YAP1: variants seen among roughly 807,000 people sequenced by gnomAD.
YAP1 encodes Yes1 associated transcriptional regulator.
YAP1 carries 5 observed loss-of-function variants against 56.9 expected under a neutral mutation model. The observed-to-expected ratio is 0.09, with a 90% CI of 0.05 to 0.18. The LOEUF (loss-of-function observed/expected upper bound fraction) is 0.18. Among genes scored for constraint, YAP1 ranks in the 10% least tolerant of loss-of-function variants. YAP1 has a pLI of 1.00. For synonymous variants in YAP1, 265 were observed against 248.1 expected (o/e 1.07, Z -0.64); for missense variants, 539 against 651.8 (o/e 0.83, Z 1.88).
chr11:102,136,060 G>C (rs983397700), intron 2 of YAP1, among the ~76,000 whole-genome samples: 1 of 152,182 alleles, frequency 6.6e-6, no homozygotes, highest in Non-Finnish European at 1.5e-5. Flanking sequence ...AACTTTTCTA[G>C]GCTGTGTAAG....
rs1555075323 is a variant in YAP1, at chr11:102,110,964, C to T, written c.116C>T (p.Ala39Val). ...TCCGGACCCGGGCAACCGGCACCCG[C>T]GGCGACCCAGGCGGCGCCGCAGGCA... ...PPSGPGQPAP[A>V]ATQAAPQAPP... The change falls in exon 1 of 9, where the codon GCG becomes GTG. Residue 39 changes from alanine (A) to valine (V), a missense_variant. Transcript: ENST00000282441. 2.0e-6 allele frequency: 3 copies of T among 1,514,982 alleles called. No homozygotes were observed. Among genetic ancestry groups the T allele is most frequent in the South Asian group, 2.4e-5 (2 of 81,760 alleles). The allele number at this position is 1,514,982 out of a possible 1,614,324, so 93.8% of individuals were successfully genotyped here.
At chr11:102,143,982 C>T (rs1210823456) in intron 2 of YAP1, among the ~76,000 whole-genome samples, 1 of 152,142 alleles carries the variant, frequency 6.6e-6, no homozygotes, top group Non-Finnish European at 1.5e-5. Context: ...ATCATAAAGA[C>T]GTGTAAAGAA....
At chr11:102,219,713 C>T (rs2135680597) in intron 6 of YAP1, among the ~76,000 whole-genome samples, 1 of 151,762 alleles carries the variant, frequency 6.6e-6, no homozygotes, top group East Asian at 2.0e-4. Flanking sequence ...CAAGAGGGGC[C>T]AGAAAAATCA....
At chr11:102,146,179 C>T (rs1208622934) in intron 2 of YAP1, among the ~76,000 whole-genome samples, 8 of 152,152 alleles carry the variant, frequency 5.3e-5, no homozygotes, top group African/African-American at 1.9e-4. Context: ...CTCTCCCTCC[C>T]TCTTTTTTAA....
chr11:102,133,420 C>T (rs1017550865), intron 2 of YAP1, among the ~76,000 whole-genome samples: 38 of 151,984 alleles, frequency 2.5e-4, no homozygotes, highest in African/African-American at 7.7e-4. Flanking sequence ...CTCAGCCTCC[C>T]GAGTAGCTGG....
intron 2 of YAP1, among the ~76,000 whole-genome samples, chr11:102,151,396 A>G (rs1388051917): frequency 1.3e-5 from 2 of 152,088 alleles, no homozygotes; most frequent in Non-Finnish European, 2.9e-5. Context: ...CAGCTGGCTA[A>G]TTTTATAGAT....
At chr11:102,201,121 G>A (rs1026813409) in intron 4 of YAP1, among the ~76,000 whole-genome samples, 4 of 152,132 alleles carry the variant, frequency 2.6e-5, no homozygotes, top group South Asian at 2.1e-4. Flanking sequence ...TTATGTATGA[G>A]CATATTCTGT....
intron 2 of YAP1, among the ~76,000 whole-genome samples, chr11:102,121,788 A>AT (rs1400500187): frequency 3.3e-5 from 5 of 151,934 alleles, no homozygotes; most frequent in South Asian, 2.1e-4. Flanking sequence ...AAGGTATATT[A>AT]TTTTTTTGTA....
chr11:102,133,761 C>T lies in YAP1; in HGVS notation c.572+19367C>T, dbSNP rs550325771. 1.8e-4 allele frequency among the ~76,000 whole-genome samples: 27 copies of T among 152,256 alleles called. No individual in the cohort carries two copies. In the South Asian group the frequency reaches 5.4e-3, roughly 30 times the overall value. Reference sequence around the variant, plus strand: ...TAGGAAGCCACATGGAGGTCATTTACGGTTACTAGTTATCTTAGTCAGCTT... The same window carrying T: ...TAGGAAGCCACATGGAGGTCATTTATGGTTACTAGTTATCTTAGTCAGCTT... On this transcript the variant is annotated intron_variant, in intron 2 of 8. Transcript: ENST00000282441.
At chr11:102,133,421 G>A (rs1402397088) in intron 2 of YAP1, among the ~76,000 whole-genome samples, 1 of 151,816 alleles carries the variant, frequency 6.6e-6, no homozygotes, top group East Asian at 1.9e-4. Context: ...TCAGCCTCCC[G>A]AGTAGCTGGG....
Position 102,229,765 on chromosome 11 carries a change from C to G in YAP1, c.1340C>G (p.Ala447Gly). Reference sequence around the variant, plus strand: ...AACCGTTTCCCAGACTACCTTGAAGCCATTCCTGGGACAAATGTGGACCTT... The same window carrying G: ...AACCGTTTCCCAGACTACCTTGAAGGCATTCCTGGGACAAATGTGGACCTT... ...QQNRFPDYLE[A>G]IPGTNVDLGT... Residue 447 changes from alanine (A) to glycine (G), a missense_variant, in exon 9 of 9, where the codon GCC (alanine) becomes GGC (glycine). This residue lies in a region of YAP1 where 414 missense variants were observed against 512.4 expected (regional missense o/e 0.81). Coordinates refer to ENST00000282441, the MANE Select transcript of YAP1 (RefSeq NM_001130145.3). 1 of 1,614,134 alleles carries G rather than the reference C, an allele frequency of 6.2e-7. No individual in the cohort carries two copies. Among genetic ancestry groups the G allele is most frequent in the Non-Finnish European group, 8.5e-7 (1 of 1,180,010 alleles).
intron 8 of YAP1, 102 bp downstream of exon 8, chr11:102,227,683 C>A: frequency 1.3e-6 from 1 of 753,780 alleles, no homozygotes; most frequent in Non-Finnish European, 2.2e-6. Context: ...AGAAGAAAAC[C>A]AATTAAAATC....
intron 6 of YAP1, among the ~76,000 whole-genome samples, chr11:102,210,722 GTGTT>G (rs772740729): frequency 2.0e-5 from 3 of 152,042 alleles, no homozygotes; most frequent in South Asian, 2.1e-4. Flanking sequence ...TTTCTCTGAA[GTGTT>G]TGTTTTGTTT....
chr11:102,231,352 T>G lies in YAP1; in HGVS notation c.*1412T>G, dbSNP rs1373524561. ...TAGTTCTCATTTGTAATGAACACAT[T>G]AACGACTAGATTAAAATATTGCCTT... On this transcript the variant is annotated 3_prime_UTR_variant, in exon 9 of 9. Transcript: ENST00000282441. The G allele has an allele frequency of 1.3e-5, 2 of 152,230 alleles. No homozygotes were observed. Among genetic ancestry groups the G allele is most frequent in the African/African-American group, 4.8e-5 (2 of 41,466 alleles). The allele number at this position is 152,230 out of a possible 1,614,324, so 9.4% of individuals were successfully genotyped here. A position where few individuals can be genotyped will look rare whatever the true frequency, so the allele number is the denominator to read the frequency against.
chr11:102,116,587 T>C (rs971932664), intron 2 of YAP1, among the ~76,000 whole-genome samples: 6 of 152,142 alleles, frequency 3.9e-5, no homozygotes, highest in African/African-American at 1.4e-4. Flanking sequence ...GTAAGGAAGA[T>C]AAACCAGGCT....
At chr11:102,209,032 A>G (rs1835635482) in intron 5 of YAP1, among the ~76,000 whole-genome samples, 1 of 152,168 alleles carries the variant, frequency 6.6e-6, no homozygotes. Context: ...TTTCATCTTT[A>G]CTGCCTACTG....
At chr11:102,218,239 C>T (rs964076040) in intron 6 of YAP1, among the ~76,000 whole-genome samples, 19 of 152,184 alleles carry the variant, frequency 1.2e-4, no homozygotes, top group Non-Finnish European at 2.6e-4. Flanking sequence ...GGCCTTGTTA[C>T]ATTAGAGTCA....
intron 3 of YAP1, among the ~76,000 whole-genome samples, chr11:102,178,947 G>C (rs1455078178): frequency 1.3e-5 from 2 of 152,148 alleles, no homozygotes; most frequent in Non-Finnish European, 1.5e-5. Flanking sequence ...GTGAGTGGGA[G>C]AAGTCCCAGG....
chr11:102,133,860 A>C, intron 2 of YAP1, among the ~76,000 whole-genome samples: 1 of 152,204 alleles, frequency 6.6e-6, no homozygotes, highest in East Asian at 1.9e-4. Context: ...TAGTTTTGGC[A>C]TGGTAGATTT....
Sources: allele counts gnomAD v4.1 joint callset (sites outside exome capture counted in the v4.1 genomes callset), GRCh38; gene constraint gnomAD v4.1.1; regional missense constraint gnomAD v4.1.1; transcripts MANE v1.5; gene names NCBI Gene and HGNC (gene_info 2026-07-23, HGNC 2026-07-21).